PLAC8L1: variants seen among roughly 807,000 people sequenced by gnomAD.
PLAC8L1 encodes PLAC8 like 1, also known as PLAC8-like protein 1.
A neutral mutation model predicts 16.3 loss-of-function variants in PLAC8L1; 13 were observed. The ratio of observed to expected loss-of-function variants is 0.80; its 90% CI spans 0.52 to 1.27. The LOEUF is 1.27. PLAC8L1 is among the 50% of genes most tolerant of loss of function. The probability of loss-of-function intolerance (pLI) is 0.00; values close to 1 mark genes in which losing one functional copy is unlikely to be tolerated. For missense variants in PLAC8L1, 184 were observed against 220.2 expected (o/e 0.84, Z 1.04); for synonymous variants, 78 against 79.3 (o/e 0.98, Z 0.09).
intron 2 of PLAC8L1, among the ~76,000 whole-genome samples, chr5:146,092,535 A>ATTTTTTTTTTTTTTTTTTTTTTTTTTTT: frequency 1.0e-5 from 1 of 100,384 alleles, no homozygotes; most frequent in Non-Finnish European, 1.9e-5. Flanking sequence ...ATCTTTGCAG[A>ATTTTTTTTTTTTTTTTTTTTTTTTTTTT]TTTTTTTTTT....
At chr5:146,088,702 A>C (rs1033044347) in intron 2 of PLAC8L1, among the ~76,000 whole-genome samples, 2 of 152,148 alleles carry the variant, frequency 1.3e-5, no homozygotes, top group Non-Finnish European at 2.9e-5. Context: ...CCCAAAGCAA[A>C]CTCTGAATTC....
At chr5:146,094,152 G>A (rs576221230) in intron 2 of PLAC8L1, among the ~76,000 whole-genome samples, 6 of 152,182 alleles carry the variant, frequency 3.9e-5, no homozygotes, top group African/African-American at 1.2e-4. Context: ...GTGCAATCTC[G>A]ACTCACTGCA....
In PLAC8L1 at chr5:146,104,392, A is replaced by G; in HGVS notation, c.-81T>C. 2 of 1,029,614 alleles carry G rather than the reference A, an allele frequency of 1.9e-6. No homozygotes were observed. Among genetic ancestry groups the G allele is most frequent in the Non-Finnish European group, 3.1e-6 (2 of 655,592 alleles). 63.8% of individuals were successfully genotyped at this position (1,029,614 alleles called of 1,614,324 possible). A position where few individuals can be genotyped will look rare whatever the true frequency, so the allele number is the denominator to read the frequency against. On this transcript the variant is annotated 5_prime_UTR_variant, in exon 1 of 4. Coordinates refer to ENST00000311450, the MANE Select transcript of PLAC8L1 (RefSeq NM_001029869.3). ...TGGTTTCTAAACTTCGGATTAGTCC[A>G]AAGTGAAACATCTCTTGAAAGAATG...
chr5:146,090,618 G>T (rs1763595534), intron 2 of PLAC8L1, among the ~76,000 whole-genome samples: 1 of 152,102 alleles, frequency 6.6e-6, no homozygotes, highest in Admixed American at 6.5e-5. Context: ...AGAAGAAAAT[G>T]GGCATAGGAT....
chr5:146,096,774 A>C (rs187609239), intron 2 of PLAC8L1, among the ~76,000 whole-genome samples: 2 of 152,312 alleles, frequency 1.3e-5, no homozygotes, highest in Admixed American at 6.5e-5. Context: ...AGCTCTCTGT[A>C]CCTTAGTACT....
intron 2 of PLAC8L1, among the ~76,000 whole-genome samples, chr5:146,095,147 G>C (rs1763689077): frequency 6.6e-6 from 1 of 152,104 alleles, no homozygotes; most frequent in Non-Finnish European, 1.5e-5. Flanking sequence ...TTTCTTCTAA[G>C]ACAATTAATT....
At chr5:146,094,207 G>A (rs1212200507) in intron 2 of PLAC8L1, among the ~76,000 whole-genome samples, 5 of 151,902 alleles carry the variant, frequency 3.3e-5, no homozygotes, top group South Asian at 4.2e-4. Flanking sequence ...CTCAGCCTCC[G>A]GTGTAGCTGG....
chr5:146,091,259 A>G (rs1191497500), intron 2 of PLAC8L1, among the ~76,000 whole-genome samples: 2 of 152,246 alleles, frequency 1.3e-5, no homozygotes, highest in African/African-American at 4.8e-5. Context: ...CACAAAGAGC[A>G]GGTACAAGAA....
chr5:146,103,731 A>T (rs941703752), intron 1 of PLAC8L1: 104 of 985,282 alleles, frequency 1.1e-4, no homozygotes, highest in Non-Finnish European at 1.2e-4. Context: ...CTCTTCTAGC[A>T]CAAGCCCTAC....
chr5:146,095,632 A>T (rs1347115455), intron 2 of PLAC8L1, among the ~76,000 whole-genome samples: 2 of 152,164 alleles, frequency 1.3e-5, no homozygotes, highest in African/African-American at 4.8e-5. Flanking sequence ...TTGTAATGAT[A>T]TTTTTTTGAA....
chr5:146,101,196 CAAAAAAAA>C (rs35143616), intron 1 of PLAC8L1, among the ~76,000 whole-genome samples: 6 of 82,176 alleles, frequency 7.3e-5, no homozygotes, highest in Admixed American at 1.3e-4. Context: ...GACCCTGTCT[CAAAAAAAA>C]AAAAAAAAAA....
At chr5:146,096,046 T>C (rs1763713533) in intron 2 of PLAC8L1, among the ~76,000 whole-genome samples, 1 of 152,190 alleles carries the variant, frequency 6.6e-6, no homozygotes, top group South Asian at 2.1e-4. Flanking sequence ...TATTTTCTCA[T>C]GGGAGAATTC....
chr5:146,088,843 TGA>T (rs1329558397), intron 2 of PLAC8L1, among the ~76,000 whole-genome samples: 1 of 152,196 alleles, frequency 6.6e-6, no homozygotes, highest in Admixed American at 6.5e-5. Context: ...GTAAATTTAC[TGA>T]GAGTACAGAG....
In PLAC8L1 at chr5:146,104,328, T is replaced by C. The variant is rs1763874657; in HGVS notation, c.-17A>G. On this transcript the variant is annotated 5_prime_UTR_variant, in exon 1 of 4. Transcript: ENST00000311450. ...CCAATTCATAGTGAGAAGTGTTTTC[T>C]TGTCCTTTGGGCTATCCTTTTTCCC... The C allele has an allele frequency of 6.3e-7, 1 of 1,582,290 alleles. No homozygotes were observed. Among genetic ancestry groups the C allele is most frequent in the Admixed American group, 1.7e-5 (1 of 59,920 alleles).
At position 146,104,416 on chromosome 5, in the gene PLAC8L1, T is replaced by C; in HGVS notation, c.-105A>G. 1.1e-6 allele frequency: 1 copy of C among 920,306 alleles called. No homozygotes were observed. Among genetic ancestry groups the C allele is most frequent in the Non-Finnish European group, 1.8e-6 (1 of 564,282 alleles). 57.0% of individuals were successfully genotyped at this position (920,306 alleles called of 1,614,324 possible). A position where few individuals can be genotyped will look rare whatever the true frequency, so the allele number is the denominator to read the frequency against. ...CAAAGTGAAACATCTCTTGAAAGAA[T>C]GTTCCCTTAATATTCTGGAACCTGA... On this transcript the variant is annotated 5_prime_UTR_variant, in exon 1 of 4. Transcript: ENST00000311450.
intron 2 of PLAC8L1, among the ~76,000 whole-genome samples, chr5:146,096,890 G>A (rs986008328): frequency 1.3e-5 from 2 of 152,164 alleles, no homozygotes; most frequent in African/African-American, 4.8e-5. Context: ...ATGGGTAGCC[G>A]CGACAGGAAG....
In PLAC8L1 at chr5:146,104,210, A is replaced by G; in HGVS notation, c.102T>C (p.His34=). ...TTCCCTACCTCAAGTTGGAAATAAA[A>G]TGTTCATCTTCAGATGACATGTGTG... ...LLSHMSSEDE[H]FISNLRGHVP... Residue 34 remains histidine (H), a synonymous_variant, in exon 1 of 4, where the codon CAT becomes CAC. Coordinates refer to ENST00000311450, the MANE Select transcript of PLAC8L1 (RefSeq NM_001029869.3). The G allele has an allele frequency of 1.2e-6, 2 of 1,613,730 alleles. No homozygotes were observed. The highest frequency in any genetic ancestry group is 1.7e-6 in the Non-Finnish European group (2 of 1,179,778).
intron 2 of PLAC8L1, among the ~76,000 whole-genome samples, chr5:146,092,783 G>A (rs975274443): frequency 4.6e-5 from 7 of 151,980 alleles, no homozygotes; most frequent in South Asian, 2.1e-4. Context: ...TGATCTGCCC[G>A]CCTTGGCCTC....
chr5:146,088,558 C>A (rs57079315), intron 2 of PLAC8L1, among the ~76,000 whole-genome samples: 1 of 152,226 alleles, frequency 6.6e-6, no homozygotes, highest in East Asian at 1.9e-4. Flanking sequence ...CTCTGGACTT[C>A]AGCTTCAAAT....
Sources: allele counts gnomAD v4.1 joint callset (sites outside exome capture counted in the v4.1 genomes callset), GRCh38; gene constraint gnomAD v4.1.1; transcripts MANE v1.5; gene names NCBI Gene and HGNC (gene_info 2026-07-23, HGNC 2026-07-21).